Variants in CCDC148 observed in about 807,000 individuals in gnomAD.
CCDC148 encodes coiled-coil domain containing 148.
Under a neutral mutation model 85.7 loss-of-function variants are expected in CCDC148, and 89 were observed. The observed-to-expected ratio is 1.04, with a 90% CI of 0.87 to 1.24. The LOEUF is 1.24. CCDC148 is among the 50% of genes most tolerant of loss of function. CCDC148 has a pLI of 0.00. For missense variants in CCDC148, 692 were observed against 671.7 expected (o/e 1.03, Z -0.33); for synonymous variants, 230 against 213.9 (o/e 1.08, Z -0.66).
chr2:158,237,770 C>T, intron 10 of CCDC148, among the ~76,000 whole-genome samples: 1 of 152,260 alleles, frequency 6.6e-6, no homozygotes, highest in Admixed American at 6.5e-5. Context: ...GAGATCATTA[C>T]AGAGTACACA....
chr2:158,347,683 T>C (rs750980252), intron 2 of CCDC148, among the ~76,000 whole-genome samples: 63 of 152,106 alleles, frequency 4.1e-4, no homozygotes, highest in Non-Finnish European at 8.1e-4. Flanking sequence ...ATATGGCTTA[T>C]TGTGATGGTC....
chr2:158,435,794 A>T (rs1417693839), intron 1 of CCDC148, among the ~76,000 whole-genome samples: 3 of 152,320 alleles, frequency 2.0e-5, no homozygotes, highest in Admixed American at 2.0e-4. Flanking sequence ...CTACCAAGAA[A>T]ATAGAAAACA....
intron 9 of CCDC148, among the ~76,000 whole-genome samples, chr2:158,286,796 T>G (rs1690646751): frequency 6.6e-6 from 1 of 152,060 alleles, no homozygotes; most frequent in African/African-American, 2.4e-5. Context: ...AAAAGTAATA[T>G]TAGACATTTA....
At chr2:158,236,175 T>C (rs1688096971) in intron 10 of CCDC148, 1 of 152,228 alleles carries the variant, frequency 6.6e-6, no homozygotes, top group East Asian at 1.9e-4. Flanking sequence ...TTTTAGGTGA[T>C]GTTTACTTTG....
At chr2:158,233,520 C>T (rs1334768651) in intron 10 of CCDC148, among the ~76,000 whole-genome samples, 1 of 150,934 alleles carries the variant, frequency 6.6e-6, no homozygotes, top group African/African-American at 2.4e-5. Context: ...ATGAGAGATA[C>T]AAGGTATACA....
chr2:158,239,567 T>TTTAAG (rs4028275), intron 10 of CCDC148, among the ~76,000 whole-genome samples: 49,498 of 151,688 alleles, frequency 0.33, 9,724 homozygotes, highest in South Asian at 0.59. Flanking sequence ...AGAAGGTTAA[T>TTTAAG]TTAATTTAAA....
intron 7 of CCDC148, among the ~76,000 whole-genome samples, chr2:158,328,292 C>T (rs1031428186): frequency 6.6e-6 from 1 of 152,094 alleles, no homozygotes; most frequent in African/African-American, 2.4e-5. Flanking sequence ...CAATAGTTTG[C>T]TGAGAATGAT....
intron 9 of CCDC148, among the ~76,000 whole-genome samples, chr2:158,309,175 G>A (rs1691847855): frequency 6.6e-6 from 1 of 152,056 alleles, no homozygotes; most frequent in African/African-American, 2.4e-5. Context: ...ATCTATGGTT[G>A]GTATTGGATA....
intron 9 of CCDC148, among the ~76,000 whole-genome samples, chr2:158,260,300 A>G (rs1311560488): frequency 6.6e-6 from 1 of 152,106 alleles, no homozygotes; most frequent in Non-Finnish European, 1.5e-5. Context: ...GGCTTTCAAT[A>G]AAATTCAACA....
intron 7 of CCDC148, among the ~76,000 whole-genome samples, chr2:158,314,873 A>G (rs916059628): frequency 1.3e-5 from 2 of 152,216 alleles, no homozygotes; most frequent in African/African-American, 4.8e-5. Context: ...AGAATTTCTT[A>G]TATATCTTCC....
At chr2:158,214,929 CA>C (rs1558987854) in intron 11 of CCDC148, among the ~76,000 whole-genome samples, 1 of 151,706 alleles carries the variant, frequency 6.6e-6, no homozygotes, top group Non-Finnish European at 1.5e-5. Context: ...AATTTCAATA[CA>C]AAAAAAATCA....
At chr2:158,298,733 T>G (rs1691310452) in intron 9 of CCDC148, among the ~76,000 whole-genome samples, 1 of 152,148 alleles carries the variant, frequency 6.6e-6, no homozygotes, top group South Asian at 2.1e-4. Context: ...TATATGCAAA[T>G]TCTCTACTGA....
chr2:158,278,409 G>A (rs150908108), intron 9 of CCDC148, among the ~76,000 whole-genome samples: 3,305 of 152,184 alleles, frequency 0.022, 56 homozygotes, highest in South Asian at 0.052. Flanking sequence ...TGGAAAATCG[G>A]GTCACTCCCA....
intron 7 of CCDC148, 49 bp from the exon 8 acceptor site, chr2:158,313,943 T>C (rs975674001): frequency 1.8e-5 from 28 of 1,575,366 alleles, no homozygotes; most frequent in Admixed American, 3.6e-5. Context: ...ATCATGAAAT[T>C]TGAGGGACTC....
At chr2:158,294,539 G>C (rs765289964) in intron 9 of CCDC148, among the ~76,000 whole-genome samples, 1 of 152,000 alleles carries the variant, frequency 6.6e-6, no homozygotes, top group Non-Finnish European at 1.5e-5. Context: ...TGCCAAAATC[G>C]TATAAAGAAC....
At chr2:158,250,203 A>G (rs910789935) in intron 10 of CCDC148, among the ~76,000 whole-genome samples, 1 of 152,058 alleles carries the variant, frequency 6.6e-6, no homozygotes, top group Non-Finnish European at 1.5e-5. Flanking sequence ...ATTATCAACA[A>G]TCACTTCTTT....
intron 1 of CCDC148, among the ~76,000 whole-genome samples, chr2:158,397,812 C>T (rs1685594441): frequency 6.6e-6 from 1 of 151,886 alleles, no homozygotes; most frequent in African/African-American, 2.4e-5. Flanking sequence ...GCTAGGTGCC[C>T]CCAATTAAGA....
chr2:158,352,201 C>T (rs1683346998), intron 2 of CCDC148, among the ~76,000 whole-genome samples: 1 of 150,248 alleles, frequency 6.7e-6, no homozygotes, highest in Non-Finnish European at 1.5e-5. Context: ...AGTTCCTCAC[C>T]AGCAACGGAA....
In CCDC148 at chr2:158,338,728, G is replaced by T. The variant is rs1217838152; in HGVS notation, c.762C>A (p.Tyr254Ter). ...AGGACTCAGTTTTATCTTATCACCT[G>T]TATATGTCTTCCAACTGCAGATTAA... is the stretch of plus-strand genomic sequence containing the variant. ...QDFNLQLEDI[Y>*]RNCQLSEEDH... The change falls in exon 7 of 14, where the codon TAC becomes TAA. Residue 254 changes from tyrosine to a stop codon, truncating the protein, a stop_gained and splice_region_variant. Coordinates refer to ENST00000283233, the MANE Select transcript of CCDC148 (RefSeq NM_138803.4). LOFTEE classifies it high-confidence loss of function. 4 of 1,602,238 alleles carry T rather than the reference G, an allele frequency of 2.5e-6. No homozygotes were observed. The African/African-American group carries it at 4.1e-5, about 16-fold the overall frequency.
Sources: allele counts gnomAD v4.1 joint callset (sites outside exome capture counted in the v4.1 genomes callset), GRCh38; gene constraint gnomAD v4.1.1; transcripts MANE v1.5; gene names NCBI Gene and HGNC (gene_info 2026-07-23, HGNC 2026-07-21).